The following RYR2 variants were observed in gnomAD, a reference collection of about 807,000 sequenced individuals.
RYR2 encodes the protein ryanodine receptor 2, also known as cardiac muscle ryanodine receptor-calcium release channel.
RYR2 carries 227 observed loss-of-function variants against 601.1 expected under a neutral mutation model. That is an observed-to-expected ratio of 0.38 (90% CI 0.34 to 0.42). RYR2 has a LOEUF of 0.42. Among genes scored for constraint, RYR2 ranks in the 10% least tolerant of loss-of-function variants. The pLI is 1.00. For synonymous variants in RYR2, 2,223 were observed against 2,175.1 expected (o/e 1.02, Z -0.61); for missense variants, 4,646 against 6,156.5 (o/e 0.75, Z 8.21).
Position 237,602,032 on chromosome 1 carries a change from C to T in RYR2, c.4604C>T (p.Pro1535Leu), listed in dbSNP as rs973392998. The T allele has an allele frequency of 1.2e-6, 2 of 1,611,194 alleles. No individual in the cohort carries two copies. The highest frequency in any genetic ancestry group is 1.1e-5 in the South Asian group (1 of 90,628). Residue 1535 changes from proline (P) to leucine (L), a missense_variant, in exon 35 of 105, where the codon CCG becomes CTG. Around this residue, in one of 17 missense-constraint regions of RYR2, gnomAD observed 1,807 missense variants for 2,088.1 expected, o/e 0.87. Coordinates refer to ENST00000366574, the MANE Select transcript of RYR2 (RefSeq NM_001035.3). ...KELSTYYQVEPSTKLFPAVFA... is the reference protein window; with the variant it reads ...KELSTYYQVELSTKLFPAVFA... ...TCATTAAATGTATTTCAGGTGGAAC[C>T]GAGTACAAAATTATTTCCTGCGGTT...
chr1:237,107,519 C>CAAAAAAAAAAAA (rs71561857), intron 1 of RYR2, among the ~76,000 whole-genome samples: 17,052 of 38,156 alleles, frequency 0.45, 6,171 homozygotes, highest in East Asian at 0.67. Context: ...GACTCCATCT[C>CAAAAAAAAAAAA]AAAAAAAAAA....
intron 2 of RYR2, among the ~76,000 whole-genome samples, chr1:237,307,027 C>T (rs977815945): frequency 2.0e-5 from 3 of 152,134 alleles, no homozygotes; most frequent in African/African-American, 7.2e-5. Context: ...TGTAATACCT[C>T]GATGAGTCAT....
intron 62 of RYR2, 88 bp from the exon 63 acceptor site, chr1:237,687,367 T>TC: frequency 8.0e-6 from 2 of 250,804 alleles, no homozygotes; most frequent in Non-Finnish European, 6.1e-6. Flanking sequence ...TTTCTTCTTC[T>TC]TTTTTTTTTT....
At chr1:237,726,433 A>T in intron 75 of RYR2, 125 bp downstream of exon 75, 1 of 655,808 alleles carries the variant, frequency 1.5e-6, no homozygotes, top group Non-Finnish European at 2.7e-6. Context: ...TAGTTATATA[A>T]ATAACTTGCT....
Position 237,567,171 on chromosome 1 carries a change from A to G in RYR2, c.3423+396A>G, listed in dbSNP as rs148366417. On this transcript the variant is annotated intron_variant, in intron 28 of 104. Transcript: ENST00000366574. ...AATGTAGTGTTGTTTATAATCACAA[A>G]CGGTTTTCATTTTCAACATTATTGG... Among the ~76,000 whole-genome samples the G allele has an allele frequency of 7.7e-4, 117 of 152,282 alleles. 1 individual carries two copies. In the East Asian group the frequency reaches 0.018, roughly 23 times the overall value.
chr1:237,582,210 C>A (rs560618167), intron 29 of RYR2, among the ~76,000 whole-genome samples: 41 of 152,174 alleles, frequency 2.7e-4, no homozygotes, highest in African/African-American at 9.6e-4. Context: ...TCAAGCGATT[C>A]TCCTGCTTCA....
chr1:237,828,248 G>A, intron 101 of RYR2, 133 bp from the exon 102 acceptor site: 2 of 582,488 alleles, frequency 3.4e-6, no homozygotes, highest in South Asian at 2.5e-5. Context: ...TATCGGATAT[G>A]TAGTCACGTT....
intron 71 of RYR2, among the ~76,000 whole-genome samples, chr1:237,715,784 A>G (rs1161767146): frequency 6.6e-6 from 1 of 152,158 alleles, no homozygotes; most frequent in Non-Finnish European, 1.5e-5. Context: ...CCGGTATTGG[A>G]TAGAAGTATG....
intron 76 of RYR2, among the ~76,000 whole-genome samples, chr1:237,728,939 TTAAAG>T (rs1690440530): frequency 6.6e-6 from 1 of 151,938 alleles, no homozygotes; most frequent in Admixed American, 6.6e-5. Flanking sequence ...ATCCCAGAAC[TTAAAG>T]TAATGAAAGC....
chr1:237,081,512 C>CATAT lies in RYR2; in HGVS notation c.48+38957_48+38960dup, dbSNP rs5781933. On this transcript the variant is annotated intron_variant, in intron 1 of 104. Transcript: ENST00000366574. Reference sequence around the variant, plus strand: ...TATACATATATAAATACACCCCCCACATATATATATATATATACATGCATG... The same window carrying CATAT: ...TATACATATATAAATACACCCCCCACATATATATATATATATATATACATGCATG... 7.1e-3 allele frequency among the ~76,000 whole-genome samples: 1,060 copies of CATAT among 148,660 alleles called. 21 individuals carry two copies. Among genetic ancestry groups the CATAT allele is most frequent in the African/African-American group, 0.023 (941 of 40,574 alleles).
At chr1:237,046,105 A>G (rs781195315) in intron 1 of RYR2, among the ~76,000 whole-genome samples, 11 of 152,132 alleles carry the variant, frequency 7.2e-5, no homozygotes, top group Non-Finnish European at 1.2e-4. Flanking sequence ...CAGTGTTCAT[A>G]CATCTTGTTC....
chr1:237,742,369 AT>A lies in RYR2; in HGVS notation c.11145+23del. On this transcript the variant is annotated intron_variant, in intron 80 of 104. Coordinates refer to ENST00000366574, the MANE Select transcript of RYR2 (RefSeq NM_001035.3). ...TTTGAAGTAAGATGGATCTTTCTGG[AT>A]TTGCCTTTCTTTCTATCTTGAAACA... is the stretch of plus-strand genomic sequence containing the variant. 6.6e-7 allele frequency: 1 copy of A among 1,526,518 alleles called. No individual in the cohort carries two copies. The highest frequency in any genetic ancestry group is 1.2e-5 in the South Asian group (1 of 84,210). The allele number at this position is 1,526,518 out of a possible 1,614,324, so 94.6% of individuals were successfully genotyped here.
intron 2 of RYR2, among the ~76,000 whole-genome samples, chr1:237,271,129 T>G (rs963941440): frequency 6.6e-6 from 1 of 152,158 alleles, no homozygotes; most frequent in Non-Finnish European, 1.5e-5. Context: ...TGGCTTTTTT[T>G]TTTCCTCAAA....
Position 237,565,157 on chromosome 1 carries a change from C to CTTTCTTTCTT in RYR2, c.3215-1409_3215-1408insTTCTTTCTTT, listed in dbSNP as rs1347900567. 3.8e-5 allele frequency among the ~76,000 whole-genome samples: 2 copies of CTTTCTTTCTT among 52,868 alleles called. 1 individual carries two copies. The highest frequency in any genetic ancestry group is 1.8e-3 in the South Asian group (2 of 1,110). 34.7% of individuals were successfully genotyped at this position (52,868 alleles called of 152,430 possible). A position where few individuals can be genotyped will look rare whatever the true frequency, so the allele number is the denominator to read the frequency against. On this transcript the variant is annotated intron_variant, in intron 27 of 104. Coordinates refer to ENST00000366574, the MANE Select transcript of RYR2 (RefSeq NM_001035.3). Reference sequence around the variant, plus strand: ...TTTCTTTCTTTTTCTTTCTTTCTTTCTCTTTCTTTCTTTCTTTCTTTCTTT... The same window carrying CTTTCTTTCTT: ...TTTCTTTCTTTTTCTTTCTTTCTTTCTTTCTTTCTTTCTTTCTTTCTTTCTTTCTTTCTTT...
intron 1 of RYR2, among the ~76,000 whole-genome samples, chr1:237,165,442 T>C (rs1299750980): frequency 6.6e-6 from 1 of 152,234 alleles, no homozygotes; most frequent in Non-Finnish European, 1.5e-5. Flanking sequence ...GACAGATTTG[T>C]GAATTACAAA....
At chr1:237,248,114 A>T (rs1301628308) in intron 1 of RYR2, among the ~76,000 whole-genome samples, 1 of 152,046 alleles carries the variant, frequency 6.6e-6, no homozygotes, top group Admixed American at 6.6e-5. Context: ...TCTACTAAAA[A>T]TACAAAAATG....
At chr1:237,454,366 G>A (rs1045454696) in intron 14 of RYR2, 25 bp from the exon 15 acceptor site, 20 of 1,568,194 alleles carry the variant, frequency 1.3e-5, no homozygotes, top group African/African-American at 2.8e-5. Flanking sequence ...ACTGACAATA[G>A]AGAAATGTTT....
chr1:237,553,408 T>A (rs912904642), intron 27 of RYR2, among the ~76,000 whole-genome samples: 3 of 152,146 alleles, frequency 2.0e-5, no homozygotes, highest in African/African-American at 7.2e-5. Flanking sequence ...GGACTGTATA[T>A]TCTGTTCCAT....
intron 47 of RYR2, among the ~76,000 whole-genome samples, chr1:237,642,372 A>T (rs1305292640): frequency 1.3e-5 from 2 of 152,370 alleles, no homozygotes; most frequent in East Asian, 3.9e-4. Flanking sequence ...CTTTCATCTT[A>T]GTAAATGGAA....
Sources: allele counts gnomAD v4.1 joint callset (sites outside exome capture counted in the v4.1 genomes callset), GRCh38; gene constraint gnomAD v4.1.1; regional missense constraint gnomAD v4.1.1; transcripts MANE v1.5; gene names NCBI Gene and HGNC (gene_info 2026-07-23, HGNC 2026-07-21).